Variants in WDR31 observed in about 807,000 individuals in gnomAD.
WDR31 encodes the protein WD repeat-containing protein 31.
In WDR31, 30 loss-of-function variants were observed where a neutral mutation model predicts 47.3. The ratio of observed to expected loss-of-function variants is 0.63; its 90% CI spans 0.47 to 0.86. The LOEUF (loss-of-function observed/expected upper bound fraction) is 0.86. Among genes scored for constraint, WDR31 ranks in the 40% least tolerant of loss-of-function variants. WDR31 has a pLI of 0.00. For synonymous variants in WDR31, 137 were observed against 159.4 expected, an observed-to-expected ratio of 0.86 and a Z score of 1.06; for missense variants, 406 against 442.9, an observed-to-expected ratio of 0.92 and a Z score of 0.75.
chr9:113,336,938 TA>T (rs1223958616), intron 1 of WDR31, among the ~76,000 whole-genome samples: 4 of 152,250 alleles, frequency 2.6e-5, no homozygotes, highest in Non-Finnish European at 5.9e-5. Flanking sequence ...TATAACTAAG[TA>T]AATCTCTTGA....
In WDR31 at chr9:113,316,420, C is replaced by G. The variant is rs1180521514; in HGVS notation, c.*329G>C. The G allele has an allele frequency of 9.8e-6, 2 of 204,856 alleles. No individual in the cohort carries two copies. The highest frequency in any genetic ancestry group is 2.0e-5 in the Non-Finnish European group (2 of 101,566). The allele number at this position is 204,856 out of a possible 1,614,324, so 12.7% of individuals were successfully genotyped here. On this transcript the variant is annotated 3_prime_UTR_variant, in exon 11 of 11. Coordinates refer to ENST00000374193, the MANE Select transcript of WDR31 (RefSeq NM_001012361.4). ...AGCCCTGTGTTCTGACTTTCACAGACAGAGGCCTGCCACTCTTACATTTAC... is the reference window on the plus strand; with the variant it reads ...AGCCCTGTGTTCTGACTTTCACAGAGAGAGGCCTGCCACTCTTACATTTAC...
At chr9:113,336,496 G>A (rs945554230) in intron 1 of WDR31, 56 bp from the exon 2 acceptor site, 2 of 152,274 alleles carry the variant, frequency 1.3e-5, no homozygotes, top group East Asian at 3.9e-4. Flanking sequence ...AGATGGTTAG[G>A]TGTAGTTTTC....
chr9:113,313,782 C>G lies in WDR31; in HGVS notation c.*2967G>C, dbSNP rs892974588. On this transcript the variant is annotated 3_prime_UTR_variant, in exon 11 of 11. Transcript: ENST00000374193. ...CTCAGTGACCGGGCTTCCTCTCCCACTATCTCTTTGTCTTTCCAGAGTTGA... is the reference window on the plus strand; with the variant it reads ...CTCAGTGACCGGGCTTCCTCTCCCAGTATCTCTTTGTCTTTCCAGAGTTGA... The G allele has an allele frequency of 3.9e-5, 6 of 152,176 alleles. No homozygotes were observed. Among genetic ancestry groups the G allele is most frequent in the Admixed American group, 3.9e-4 (6 of 15,280 alleles). The allele number at this position is 152,176 out of a possible 1,614,324, so 9.4% of individuals were successfully genotyped here.
At chr9:113,326,976 T>A (rs531717274) in intron 5 of WDR31, among the ~76,000 whole-genome samples, 1 of 151,730 alleles carries the variant, frequency 6.6e-6, no homozygotes, top group Non-Finnish European at 1.5e-5. Context: ...GCTGGGACTA[T>A]AGGTGCGCAC....
In WDR31 at chr9:113,334,393, C is replaced by T. The variant is rs76632301; in HGVS notation, c.-29+1895G>A. 6.0e-3 allele frequency among the ~76,000 whole-genome samples: 914 copies of T among 152,164 alleles called. 10 individuals carry two copies. The highest frequency in any genetic ancestry group is 0.021 in the African/African-American group (862 of 41,488). On this transcript the variant is annotated intron_variant, in intron 2 of 10. Transcript: ENST00000374193. ...AAACATAAAGCAATACCACTTCTTC[C>T]AATTAAATATTTTGGTTTTGGAAAG...
chr9:113,316,545 T>C lies in WDR31; in HGVS notation c.*204A>G. On this transcript the variant is annotated 3_prime_UTR_variant, in exon 11 of 11. Transcript: ENST00000374193. ...TAACTTAAATAGAGAACCTTATGTG[T>C]AGTCCATGTTTCTGGACTCTATACC... The C allele has an allele frequency of 1.8e-6, 1 of 552,092 alleles. No homozygotes were observed. 34.2% of individuals were successfully genotyped at this position (552,092 alleles called of 1,614,324 possible). A position where few individuals can be genotyped will look rare whatever the true frequency, so the allele number is the denominator to read the frequency against.
intron 5 of WDR31, 75 bp from the exon 6 acceptor site, chr9:113,323,230 G>A: frequency 1.3e-6 from 2 of 1,529,302 alleles, no homozygotes; most frequent in Non-Finnish European, 1.8e-6. Context: ...TTGGGGGAAA[G>A]ATGAGTCTGC....
At chr9:113,320,272 T>C (rs1833295735) in intron 9 of WDR31, 85 bp downstream of exon 9, 1 of 1,515,818 alleles carries the variant, frequency 6.6e-7, no homozygotes, top group South Asian at 1.3e-5. Context: ...AAAGCCCGCC[T>C]GTGTAGCACA....
At chr9:113,331,234 A>G (rs1013833561) in intron 3 of WDR31, 118 bp from the exon 4 acceptor site, 1 of 734,704 alleles carries the variant, frequency 1.4e-6, no homozygotes, top group East Asian at 2.9e-5. Context: ...ACTAAGGAGA[A>G]ATATTTAAAA....
chr9:113,318,742 T>G (rs1223439530), intron 9 of WDR31, 105 bp from the exon 10 acceptor site: 1 of 1,209,766 alleles, frequency 8.3e-7, no homozygotes. Context: ...TCCACTTACC[T>G]GCTCACGTAG....
In WDR31 at chr9:113,316,592, A is replaced by T; in HGVS notation, c.*157T>A. The T allele has an allele frequency of 1.1e-6, 1 of 871,116 alleles. No individual in the cohort carries two copies. Among genetic ancestry groups the T allele is most frequent in the Non-Finnish European group, 1.7e-6 (1 of 588,562 alleles). The allele number at this position is 871,116 out of a possible 1,614,324, so 54.0% of individuals were successfully genotyped here. ...TACCTGATTTTGAATCACTGGACTT[A>T]AATTATTGGACTTACAACACTGATA... On this transcript the variant is annotated 3_prime_UTR_variant, in exon 11 of 11. Transcript: ENST00000374193.
chr9:113,330,781 T>C (rs1317605918), intron 4 of WDR31, among the ~76,000 whole-genome samples: 1 of 152,152 alleles, frequency 6.6e-6, no homozygotes, highest in Non-Finnish European at 1.5e-5. Context: ...CAGATAAGAC[T>C]GAAACTCAAA....
chr9:113,328,734 T>C (rs911438181), intron 5 of WDR31, 147 bp downstream of exon 5: 1 of 702,546 alleles, frequency 1.4e-6, no homozygotes, highest in Non-Finnish European at 2.4e-6. Context: ...GTTTGCTCTG[T>C]TTCTCCTGAA....
intron 1 of WDR31, among the ~76,000 whole-genome samples, chr9:113,337,126 G>T (rs1378078555): frequency 6.6e-6 from 1 of 152,224 alleles, no homozygotes; most frequent in African/African-American, 2.4e-5. Context: ...AAATGCATTA[G>T]TGTCTGCATT....
chr9:113,317,265 G>A (rs1164705496), intron 10 of WDR31, among the ~76,000 whole-genome samples: 1 of 152,194 alleles, frequency 6.6e-6, no homozygotes, highest in African/African-American at 2.4e-5. Context: ...TTAGCTGCTG[G>A]CTTCCTGGGG....
At chr9:113,321,348 TG>T in intron 8 of WDR31, 162 bp downstream of exon 8, 1 of 656,732 alleles carries the variant, frequency 1.5e-6, no homozygotes, top group Non-Finnish European at 2.6e-6. Flanking sequence ...TAATGATCCA[TG>T]GGGCCAAAGC....
chr9:113,319,159 C>G (rs564855048), intron 9 of WDR31, among the ~76,000 whole-genome samples: 1 of 152,346 alleles, frequency 6.6e-6, no homozygotes, highest in African/African-American at 2.4e-5. Context: ...AGACTAGCGT[C>G]TACAAGAGGG....
At chr9:113,317,049 GA>G in intron 10 of WDR31, 140 bp from the exon 11 acceptor site, 1 of 1,062,466 alleles carries the variant, frequency 9.4e-7, no homozygotes, top group Non-Finnish European at 1.3e-6. Context: ...TTCTTCAGAG[GA>G]AAGCATACCA....
chr9:113,321,437 G>T, intron 8 of WDR31, 74 bp downstream of exon 8: 1 of 1,425,170 alleles, frequency 7.0e-7, no homozygotes, highest in South Asian at 1.2e-5. Context: ...GAATCAGAGT[G>T]GGAATGGAGC....
Sources: gnomAD v4.1 joint callset for allele counts (sites outside exome capture counted in the v4.1 genomes callset) on GRCh38, gnomAD v4.1.1 for gene constraint, MANE v1.5 for transcripts, NCBI Gene and HGNC (gene_info 2026-07-23, HGNC 2026-07-21) for gene names.